MYL9: variants seen among roughly 807,000 people sequenced by gnomAD.
MYL9 encodes myosin regulatory light polypeptide 9.
Under a neutral mutation model 12.8 loss-of-function variants are expected in MYL9, and 7 were observed. The ratio of observed to expected loss-of-function variants is 0.55; its 90% CI spans 0.31 to 1.03. The LOEUF is 1.03. Among genes scored for constraint, MYL9 ranks in the 50% least tolerant of loss-of-function variants. The probability of loss-of-function intolerance (pLI) is 0.05; values close to 1 mark genes in which losing one functional copy is unlikely to be tolerated. For synonymous variants in MYL9, 81 were observed against 87.8 expected (o/e 0.92, Z 0.43); for missense variants, 190 against 242.7 (o/e 0.78, Z 1.44).
intron 2 of MYL9, among the ~76,000 whole-genome samples, chr20:36,546,295 C>A (rs1007258022): frequency 6.6e-6 from 1 of 152,208 alleles, no homozygotes; most frequent in African/African-American, 2.4e-5. Flanking sequence ...CGAGTGACAG[C>A]ATCCAGACCA....
Position 36,549,175 on chromosome 20 carries a change from G to A in MYL9, c.445G>A (p.Asp149Asn). ...CGAGATGTACCGGGAGGCACCCATT[G>A]ATAAGAAAGGCAACTTCAACTACGT... ...VDEMYREAPIDKKGNFNYVEF... is the reference protein window; with the variant it reads ...VDEMYREAPINKKGNFNYVEF... Residue 149 changes from aspartate (D) to asparagine (N), a missense_variant, in exon 4 of 4, where the codon GAT (aspartate) becomes AAT (asparagine). Physicochemically the swap from Asp to Asn is conservative, Grantham distance 23 (BLOSUM62 1). Transcript: ENST00000279022. 6.2e-7 allele frequency: 1 copy of A among 1,614,056 alleles called. No individual in the cohort carries two copies. Among genetic ancestry groups the A allele is most frequent in the Non-Finnish European group, 8.5e-7 (1 of 1,180,010 alleles).
chr20:36,549,489 T>G lies in MYL9; in HGVS notation c.*240T>G. 2.2e-6 allele frequency: 1 copy of G among 460,430 alleles called. No individual in the cohort carries two copies. Among genetic ancestry groups the G allele is most frequent in the Non-Finnish European group, 3.9e-6 (1 of 253,890 alleles). 28.5% of individuals were successfully genotyped at this position (460,430 alleles called of 1,614,324 possible). A position where few individuals can be genotyped will look rare whatever the true frequency, so the allele number is the denominator to read the frequency against. On this transcript the variant is annotated 3_prime_UTR_variant, in exon 4 of 4. Coordinates refer to ENST00000279022, the MANE Select transcript of MYL9 (RefSeq NM_006097.5). ...TGACCCCTCCAAGGAAAGACCACCT[T>G]CTGGGGACATGGGCTGGAGGGCAGG...
At chr20:36,543,896 CA>C (rs905118280) in intron 1 of MYL9, among the ~76,000 whole-genome samples, 1 of 152,022 alleles carries the variant, frequency 6.6e-6, no homozygotes, top group Non-Finnish European at 1.5e-5. Flanking sequence ...CTGCAGAGGT[CA>C]GAAGGGTAGG....
At chr20:36,545,210 A>C in intron 2 of MYL9, 142 bp downstream of exon 2, 1 of 1,037,378 alleles carries the variant, frequency 9.6e-7, no homozygotes, top group Non-Finnish European at 1.4e-6. Context: ...TTCAACAGGG[A>C]AACTGGGCCG....
Position 36,549,150 on chromosome 20 carries a change from C to G in MYL9, c.420C>G (p.Asp140Glu), listed in dbSNP as rs561405672. 6.2e-7 allele frequency: 1 copy of G among 1,613,918 alleles called. No homozygotes were observed. Among genetic ancestry groups the G allele is most frequent in the Non-Finnish European group, 8.5e-7 (1 of 1,179,990 alleles). ...ACCGCTTCACAGATGAGGAAGTGGA[C>G]GAGATGTACCGGGAGGCACCCATTG... ...MGDRFTDEEVDEMYREAPIDK... is the reference protein window; with the variant it reads ...MGDRFTDEEVEEMYREAPIDK... The change falls in exon 4 of 4, where the codon GAC becomes GAG. Residue 140 changes from aspartate (D) to glutamate (E), a missense_variant. Transcript: ENST00000279022.
At chr20:36,547,860 G>C (rs545043562) in intron 2 of MYL9, among the ~76,000 whole-genome samples, 172 bp from the exon 3 acceptor site, 1 of 152,152 alleles carries the variant, frequency 6.6e-6, no homozygotes, top group Admixed American at 6.5e-5. Flanking sequence ...CAGGGACTCC[G>C]GGCGCCCACT....
intron 1 of MYL9, among the ~76,000 whole-genome samples, chr20:36,542,884 G>A (rs1030167787): frequency 6.6e-6 from 1 of 152,216 alleles, no homozygotes; most frequent in Non-Finnish European, 1.5e-5. Context: ...AGACCGGGTG[G>A]CCATGAAGGC....
rs117437539 is a variant in MYL9, at chr20:36,551,049, C to A, written c.*1800C>A. 7.3e-3 allele frequency: 1,121 copies of A among 152,732 alleles called. 8 individuals are homozygous for A. The highest frequency in any genetic ancestry group is 0.011 in the Non-Finnish European group (757 of 68,346). The allele number at this position is 152,732 out of a possible 1,614,324, so 9.5% of individuals were successfully genotyped here. A position where few individuals can be genotyped will look rare whatever the true frequency, so the allele number is the denominator to read the frequency against. On this transcript the variant is annotated 3_prime_UTR_variant, in exon 4 of 4. Transcript: ENST00000279022. Reference sequence around the variant, plus strand: ...AGCCACTGCAGCACCAAAGGCATTTCTGGAAGGAGGCAAGGACGCGTCATC... The same window carrying A: ...AGCCACTGCAGCACCAAAGGCATTTATGGAAGGAGGCAAGGACGCGTCATC...
intron 2 of MYL9, among the ~76,000 whole-genome samples, chr20:36,546,400 AGGGCCCT>A (rs769544599): frequency 6.6e-6 from 1 of 152,116 alleles, no homozygotes; most frequent in Non-Finnish European, 1.5e-5. Context: ...AGTCCCTGGT[AGGGCCCT>A]GTGCACTTTC....
At position 36,548,064 on chromosome 20, in the gene MYL9, A is replaced by G. The variant is rs776042837; in HGVS notation, c.217A>G (p.Met73Val). The G allele has an allele frequency of 3.1e-6, 5 of 1,613,398 alleles. No homozygotes were observed. Among genetic ancestry groups the G allele is most frequent in the Admixed American group, 1.7e-5 (1 of 59,958 alleles). ...CCCCACAGACGAATACCTGGAGGGCATGATGAGCGAGGCCCCGGGGCCCAT... is the reference window on the plus strand; with the variant it reads ...CCCCACAGACGAATACCTGGAGGGCGTGATGAGCGAGGCCCCGGGGCCCAT... ...KNPTDEYLEG[M>V]MSEAPGPINF... The change falls in exon 3 of 4, where the codon ATG (methionine) becomes GTG (valine). Residue 73 changes from methionine to valine, a missense_variant. Physicochemically the swap from Met to Val is conservative, Grantham distance 21. Coordinates refer to ENST00000279022, the MANE Select transcript of MYL9 (RefSeq NM_006097.5).
At chr20:36,545,507 A>C (rs1381297015) in intron 2 of MYL9, among the ~76,000 whole-genome samples, 1 of 148,388 alleles carries the variant, frequency 6.7e-6, no homozygotes, top group Admixed American at 6.7e-5. Context: ...AAAAAAAAAA[A>C]AAAAAACAGG....
At position 36,548,495 on chromosome 20, in the gene MYL9, C is replaced by G. The variant is rs533284780; in HGVS notation, c.346+302C>G. On this transcript the variant is annotated intron_variant, in intron 3 of 3. Coordinates refer to ENST00000279022, the MANE Select transcript of MYL9 (RefSeq NM_006097.5). ...CTTGCCAAGAAGGTATAGAAACTGG[C>G]CCCCCTCCTCGGATCTCCTAACGGA... Among the ~76,000 whole-genome samples the G allele has an allele frequency of 2.4e-4, 36 of 152,310 alleles. No individual in the cohort carries two copies. The South Asian group carries it at 7.5e-3, about 32-fold the overall frequency.
intron 2 of MYL9, among the ~76,000 whole-genome samples, chr20:36,547,294 C>A (rs2038112451): frequency 6.6e-6 from 1 of 152,166 alleles, no homozygotes; most frequent in Non-Finnish European, 1.5e-5. Context: ...TCAAAGCAAT[C>A]CTATTGAACA....
chr20:36,544,962 T>C lies in MYL9; in HGVS notation c.78T>C (p.Phe26=). ...CCACATCCAATGTCTTCGCAATGTTTGACCAGTCCCAGATCCAGGAGTTTA... is the reference window on the plus strand; with the variant it reads ...CCACATCCAATGTCTTCGCAATGTTCGACCAGTCCCAGATCCAGGAGTTTA... The part of the protein sequence containing the change: ...QRATSNVFAM[F]DQSQIQEFKE... Residue 26 remains phenylalanine (F), a synonymous_variant, in exon 2 of 4, where the codon TTT becomes TTC. Coordinates refer to ENST00000279022, the MANE Select transcript of MYL9 (RefSeq NM_006097.5). 6.2e-7 allele frequency: 1 copy of C among 1,613,844 alleles called. No individual in the cohort carries two copies. The highest frequency in any genetic ancestry group is 1.6e-4 in the Middle Eastern group (1 of 6,062).
intron 1 of MYL9, 54 bp from the exon 2 acceptor site, chr20:36,544,805 A>C: frequency 6.8e-7 from 1 of 1,472,888 alleles, no homozygotes; most frequent in Non-Finnish European, 9.2e-7. Flanking sequence ...GGGAGGCAGG[A>C]AGATTCCCTG....
At chr20:36,545,240 G>C (rs369973714) in intron 2 of MYL9, among the ~76,000 whole-genome samples, 172 bp downstream of exon 2, 2 of 152,222 alleles carry the variant, frequency 1.3e-5, no homozygotes, top group African/African-American at 4.8e-5. Context: ...GCTCACGCCT[G>C]TAATCCCAGC....
In MYL9 at chr20:36,549,783, C is replaced by T. The variant is rs558386214; in HGVS notation, c.*534C>T. 3.2e-5 allele frequency: 5 copies of T among 155,982 alleles called. No homozygotes were observed. The East Asian group carries it at 9.5e-4, about 30-fold the overall frequency. The allele number at this position is 155,982 out of a possible 1,614,324, so 9.7% of individuals were successfully genotyped here. ...GTCGCGGGCAGCGTGGACATCTGTC[C>T]CAGAGGGGGCAGAATCTCCAATAGA... On this transcript the variant is annotated 3_prime_UTR_variant, in exon 4 of 4. Transcript: ENST00000279022.
chr20:36,549,609 A>T lies in MYL9; in HGVS notation c.*360A>T, dbSNP rs2038146436. The T allele has an allele frequency of 4.9e-6, 1 of 205,696 alleles. No homozygotes were observed. The highest frequency in any genetic ancestry group is 9.9e-6 in the Non-Finnish European group (1 of 100,970). 12.7% of individuals were successfully genotyped at this position (205,696 alleles called of 1,614,324 possible). ...TGCCCCCCAGGAGGAAGAGGCCCTGAGTCCTGGGATCAGACACCCCTTCAC... is the reference window on the plus strand; with the variant it reads ...TGCCCCCCAGGAGGAAGAGGCCCTGTGTCCTGGGATCAGACACCCCTTCAC... On this transcript the variant is annotated 3_prime_UTR_variant, in exon 4 of 4. Transcript: ENST00000279022.
intron 1 of MYL9, among the ~76,000 whole-genome samples, chr20:36,542,492 A>C (rs2038049171): frequency 6.6e-6 from 1 of 152,182 alleles, no homozygotes; most frequent in Non-Finnish European, 1.5e-5. Flanking sequence ...CGATGGCCTC[A>C]GAACTAAAGG....
Sources: allele counts gnomAD v4.1 joint callset (sites outside exome capture counted in the v4.1 genomes callset), GRCh38; gene constraint gnomAD v4.1.1; transcripts MANE v1.5; gene names NCBI Gene and HGNC (gene_info 2026-07-23, HGNC 2026-07-21).